PTPRE: variants seen among roughly 807,000 people sequenced by gnomAD.
PTPRE encodes protein tyrosine phosphatase receptor type E, also known as receptor-type tyrosine-protein phosphatase epsilon.
PTPRE carries 51 observed loss-of-function variants against 102.0 expected under a neutral mutation model. That is an observed-to-expected ratio of 0.50 (90% CI 0.40 to 0.63). The LOEUF (loss-of-function observed/expected upper bound fraction) is 0.63. Among genes scored for constraint, PTPRE ranks in the 30% least tolerant of loss-of-function variants. The pLI is 0.00. For missense variants in PTPRE, 752 were observed against 915.1 expected, an observed-to-expected ratio of 0.82 and a Z score of 2.30; for synonymous variants, 345 against 348.2, an observed-to-expected ratio of 0.99 and a Z score of 0.10.
intron 11 of PTPRE, 30 bp downstream of exon 11, chr10:128,066,224 A>G (rs1162631894): frequency 1.2e-6 from 2 of 1,609,134 alleles, no homozygotes; most frequent in Non-Finnish European, 8.5e-7. Context: ...GCCCTTCCAG[A>G]AAGATCATTT....
intron 1 of PTPRE, among the ~76,000 whole-genome samples, chr10:127,946,508 A>C (rs1294290505): frequency 8.5e-6 from 1 of 117,792 alleles, no homozygotes; most frequent in Non-Finnish European, 1.9e-5. Context: ...AGCAGTCTGC[A>C]GCCCCTGGGA....
At chr10:128,067,153 A>AC (rs1491287079) in intron 11 of PTPRE, among the ~76,000 whole-genome samples, 1 of 136,262 alleles carries the variant, frequency 7.3e-6, no homozygotes, top group East Asian at 2.3e-4. Context: ...GTGCACACAC[A>AC]CCCCACTCAC....
At chr10:127,956,736 T>G (rs1219934280) in intron 1 of PTPRE, among the ~76,000 whole-genome samples, 3 of 152,350 alleles carry the variant, frequency 2.0e-5, no homozygotes, top group East Asian at 3.9e-4. Context: ...GCATTTGGTG[T>G]TGTCAGTGTT....
intron 2 of PTPRE, among the ~76,000 whole-genome samples, chr10:128,005,067 C>A (rs886070903): frequency 1.3e-5 from 2 of 152,126 alleles, no homozygotes; most frequent in African/African-American, 2.4e-5. Context: ...AAGTCCTTGG[C>A]CTGTTTTTTG....
intron 1 of PTPRE, among the ~76,000 whole-genome samples, chr10:127,975,705 A>G (rs1431831763): frequency 2.0e-5 from 3 of 152,252 alleles, no homozygotes; most frequent in African/African-American, 7.2e-5. Flanking sequence ...TTAGCTCAAG[A>G]AAAACATCTT....
intron 9 of PTPRE, among the ~76,000 whole-genome samples, chr10:128,062,767 G>A (rs565459832): frequency 2.0e-5 from 3 of 152,328 alleles, no homozygotes; most frequent in African/African-American, 7.2e-5. Flanking sequence ...CTCTCGCAAG[G>A]CTTTCACCAG....
intron 2 of PTPRE, among the ~76,000 whole-genome samples, chr10:128,037,273 G>T (rs533669059): frequency 7.9e-5 from 12 of 152,308 alleles, no homozygotes; most frequent in African/African-American, 2.9e-4. Flanking sequence ...TGGACAGTGG[G>T]TTCTGTCTGG....
chr10:128,064,000 G>T (rs576047118), intron 10 of PTPRE, among the ~76,000 whole-genome samples: 1 of 152,196 alleles, frequency 6.6e-6, no homozygotes, highest in African/African-American at 2.4e-5. Context: ...CGGTTCAGTG[G>T]GAGCCGTGTG....
rs532011257 is a variant in PTPRE, at chr10:128,010,454, G to A, written c.-8+28158G>A. 2.6e-5 allele frequency among the ~76,000 whole-genome samples: 4 copies of A among 152,286 alleles called. No homozygotes were observed. The East Asian group carries it at 7.7e-4, about 29-fold the overall frequency. On this transcript the variant is annotated intron_variant, in intron 2 of 20. Transcript: ENST00000254667. ...ACCAGGTCAGGGAAGAGACCATGCG[G>A]TTCCCAGCCCAGTGCTCTCTGCCTT...
chr10:128,015,922 G>A (rs1845386055), intron 2 of PTPRE, among the ~76,000 whole-genome samples: 1 of 152,196 alleles, frequency 6.6e-6, no homozygotes, highest in Admixed American at 6.5e-5. Context: ...TGAGAAAGCG[G>A]ATGGGCCTTG....
rs1850675756 is a variant in PTPRE at position 128,070,505 on chromosome 10, G to A, written c.1293+55G>A. ...TGGTGTAAGCAGCCAAGGGCACGAGGAAAACAGGTGACCATTTAAAGGAAG... is the reference window on the plus strand; with the variant it reads ...TGGTGTAAGCAGCCAAGGGCACGAGAAAAACAGGTGACCATTTAAAGGAAG... On this transcript the variant is annotated intron_variant, in intron 14 of 20. Coordinates refer to ENST00000254667, the MANE Select transcript of PTPRE (RefSeq NM_006504.6). The surrounding 1 kb of genome is among the most constrained non-coding windows in gnomAD (Gnocchi z 4.8). 1.4e-5 allele frequency: 22 copies of A among 1,571,060 alleles called. No individual in the cohort carries two copies. Among genetic ancestry groups the A allele is most frequent in the Admixed American group, 1.8e-5 (1 of 54,212 alleles).
At chr10:127,918,558 C>CATA (rs1846375245) in intron 1 of PTPRE, among the ~76,000 whole-genome samples, 1 of 95,136 alleles carries the variant, frequency 1.1e-5, no homozygotes, top group Non-Finnish European at 2.1e-5. Context: ...GACTCCATCT[C>CATA]AAAAAAAAAA....
intron 2 of PTPRE, among the ~76,000 whole-genome samples, chr10:127,995,713 C>G (rs2135528565): frequency 6.6e-6 from 1 of 152,222 alleles, no homozygotes; most frequent in East Asian, 1.9e-4. Context: ...GCATTGCTTG[C>G]AGTTATGATG....
At chr10:128,068,094 C>T in intron 11 of PTPRE, 29 bp from the exon 12 acceptor site, 3 of 1,595,808 alleles carry the variant, frequency 1.9e-6, no homozygotes, top group Non-Finnish European at 2.6e-6. Flanking sequence ...ATTGTTTCAC[C>T]CACTCTTGTC....
intron 11 of PTPRE, among the ~76,000 whole-genome samples, chr10:128,067,177 C>G (rs753651767): frequency 1.4e-5 from 2 of 142,888 alleles, no homozygotes; most frequent in African/African-American, 2.6e-5. Context: ...CACACATGCA[C>G]ACATTCACAC....
At chr10:127,925,834 T>C (rs982675703) in intron 1 of PTPRE, among the ~76,000 whole-genome samples, 1 of 152,102 alleles carries the variant, frequency 6.6e-6, no homozygotes, top group Admixed American at 6.5e-5. Flanking sequence ...GTGGAGCACT[T>C]TGGAGCAGCA....
intron 1 of PTPRE, among the ~76,000 whole-genome samples, chr10:127,945,904 A>G (rs1273898288): frequency 6.6e-6 from 1 of 152,212 alleles, no homozygotes; most frequent in East Asian, 1.9e-4. Context: ...GCTCATGAAG[A>G]AAAGGTTGTA....
chr10:127,921,767 C>T (rs1349996409), intron 1 of PTPRE, among the ~76,000 whole-genome samples: 1 of 152,176 alleles, frequency 6.6e-6, no homozygotes, highest in African/African-American at 2.4e-5. Flanking sequence ...ACAAAGCTCC[C>T]CCAGGAAATT....
At chr10:127,986,695 ACCATG>A (rs1852117290) in intron 2 of PTPRE, among the ~76,000 whole-genome samples, 1 of 152,148 alleles carries the variant, frequency 6.6e-6, no homozygotes, top group Non-Finnish European at 1.5e-5. Context: ...TTGAATGGCT[ACCATG>A]ACAGGAAAAA....
Sources: allele counts gnomAD v4.1 joint callset (sites outside exome capture counted in the v4.1 genomes callset), GRCh38; gene constraint gnomAD v4.1.1; non-coding constraint Gnocchi (gnomAD v3.1); transcripts MANE v1.5; gene names NCBI Gene and HGNC (gene_info 2026-07-23, HGNC 2026-07-21).